Variants in TUNAR observed in about 807,000 individuals in gnomAD.
TUNAR encodes protein TUNAR.
At chr14:95,889,170 C>T (rs1411697087) in intron 2 of TUNAR, among the ~76,000 whole-genome samples, 1 of 152,132 alleles carries the variant, frequency 6.6e-6, no homozygotes, top group Non-Finnish European at 1.5e-5. Flanking sequence ...CCCTGGCCTC[C>T]CTTCCCTTCA....
chr14:95,888,783 A>G (rs942830827), intron 2 of TUNAR, among the ~76,000 whole-genome samples: 1 of 151,818 alleles, frequency 6.6e-6, no homozygotes, highest in African/African-American at 2.4e-5. Flanking sequence ...GCAAGTCTCT[A>G]AGGCCAGCCC....
At chr14:95,888,850 G>T (rs200386288) in intron 2 of TUNAR, among the ~76,000 whole-genome samples, 6,808 of 152,258 alleles carry the variant, frequency 0.045, 180 homozygotes, top group South Asian at 0.086. Flanking sequence ...GAGGAGTGCC[G>T]AAGGATGCCA....
chr14:95,885,782 C>T (rs4900298), intron 2 of TUNAR, among the ~76,000 whole-genome samples: 55,480 of 152,016 alleles, frequency 0.36, 10,209 homozygotes, highest in South Asian at 0.39. Flanking sequence ...TAGCCCTGTT[C>T]ATGACCCCCT....
intron 2 of TUNAR, among the ~76,000 whole-genome samples, chr14:95,905,310 C>A (rs1311621134): frequency 6.6e-6 from 1 of 152,198 alleles, no homozygotes. Context: ...CATCCAGGAT[C>A]CCGTTCCAGA....
chr14:95,906,885 T>C (rs1889434250), intron 2 of TUNAR, among the ~76,000 whole-genome samples: 1 of 152,224 alleles, frequency 6.6e-6, no homozygotes, highest in South Asian at 2.1e-4. Flanking sequence ...TACCCCACTC[T>C]TCTCTGCATC....
Position 95,899,083 on chromosome 14 carries a change from C to T in TUNAR, c.12+21906C>T, listed in dbSNP as rs564447151. Among the ~76,000 whole-genome samples, 6 of 152,332 alleles carry T rather than the reference C, an allele frequency of 3.9e-5. No homozygotes were observed. The South Asian group carries it at 1.2e-3, about 32-fold the overall frequency. ...ATTTCAAGTAGATTTTAGGCCAAGA[C>T]TTGTCCCACTTTGCTGATTGCATGG... is the stretch of plus-strand genomic sequence containing the variant. On this transcript the variant is annotated intron_variant, in intron 2 of 2. Transcript: ENST00000678517.
At chr14:95,886,331 A>G (rs1178535501) in intron 2 of TUNAR, among the ~76,000 whole-genome samples, 2 of 152,256 alleles carry the variant, frequency 1.3e-5, no homozygotes, top group African/African-American at 4.8e-5. Context: ...CAGCAGGGCC[A>G]GTGACTTTTG....
chr14:95,883,359 A>C lies in TUNAR; in HGVS notation c.12+6182A>C, dbSNP rs1889012579. Among the ~76,000 whole-genome samples the C allele has an allele frequency of 3.3e-5, 5 of 152,308 alleles. 1 individual carries two copies. In the South Asian group the frequency reaches 1.0e-3, roughly 32 times the overall value. ...CATGGAGCTGTCTCCTCCACAGAGC[A>C]TGCCTCTCTCTGGTCCCGTCTGGTT... On this transcript the variant is annotated intron_variant, in intron 2 of 2. Coordinates refer to ENST00000678517, the Ensembl canonical transcript of TUNAR.
chr14:95,882,691 C>T (rs1018453842), intron 2 of TUNAR, among the ~76,000 whole-genome samples: 1 of 152,142 alleles, frequency 6.6e-6, no homozygotes, highest in Non-Finnish European at 1.5e-5. Context: ...CTATGATGAG[C>T]TGCTGTATGT....
intron 2 of TUNAR, among the ~76,000 whole-genome samples, chr14:95,879,202 G>A (rs1595113091): frequency 6.6e-6 from 1 of 152,094 alleles, no homozygotes; most frequent in East Asian, 1.9e-4. Context: ...TTTAAGATGT[G>A]GATTAATGAA....
At chr14:95,900,854 C>G (rs1339935089) in intron 2 of TUNAR, among the ~76,000 whole-genome samples, 3 of 152,178 alleles carry the variant, frequency 2.0e-5, no homozygotes, top group African/African-American at 7.2e-5. Flanking sequence ...TTCTCCACAT[C>G]GCCATTTTGT....
rs368352510 is a variant in TUNAR at position 95,894,507 on chromosome 14, A to G, written c.12+17330A>G. 3.3e-5 allele frequency among the ~76,000 whole-genome samples: 5 copies of G among 152,148 alleles called. No homozygotes were observed. The South Asian group carries it at 1.0e-3, about 32-fold the overall frequency. On this transcript the variant is annotated intron_variant, in intron 2 of 2. Transcript: ENST00000678517. ...CACACGTGAGGATCAGGATTTGCGAACTTGCGGAAGAGTGTGGTTTGCGGG... is the reference window on the plus strand; with the variant it reads ...CACACGTGAGGATCAGGATTTGCGAGCTTGCGGAAGAGTGTGGTTTGCGGG...
chr14:95,884,830 T>A (rs1331975316), intron 2 of TUNAR, among the ~76,000 whole-genome samples: 1 of 152,212 alleles, frequency 6.6e-6, no homozygotes, highest in African/African-American at 2.4e-5. Context: ...ACTGCCGCTC[T>A]TGCTTACAGA....
intron 2 of TUNAR, among the ~76,000 whole-genome samples, chr14:95,896,953 T>C (rs551042321): frequency 4.6e-5 from 7 of 152,314 alleles, no homozygotes; most frequent in Non-Finnish European, 1.0e-4. Context: ...TACTTTACAG[T>C]TTATGCCATG....
chr14:95,880,492 T>C (rs1347367890), intron 2 of TUNAR, among the ~76,000 whole-genome samples: 2 of 152,084 alleles, frequency 1.3e-5, no homozygotes, highest in African/African-American at 2.4e-5. Context: ...CTAGGATCCA[T>C]GTGGCAGAAG....
chr14:95,902,967 A>C (rs1395921985), intron 2 of TUNAR, among the ~76,000 whole-genome samples: 1 of 152,226 alleles, frequency 6.6e-6, no homozygotes, highest in Non-Finnish European at 1.5e-5. Context: ...ACTTTGAGCC[A>C]TAAAATGTAG....
chr14:95,901,574 G>A (rs928991164), intron 2 of TUNAR, among the ~76,000 whole-genome samples: 20 of 152,348 alleles, frequency 1.3e-4, no homozygotes, highest in African/African-American at 4.3e-4. Flanking sequence ...CAGCCCTGGC[G>A]CCTAGCAGGG....
intron 2 of TUNAR, among the ~76,000 whole-genome samples, chr14:95,904,788 C>A (rs58622873): frequency 0.023 from 3,492 of 152,314 alleles, 128 homozygotes; most frequent in African/African-American, 0.078. Flanking sequence ...GGTGGAGGGG[C>A]TGCCCGGGCT....
intron 2 of TUNAR, among the ~76,000 whole-genome samples, chr14:95,896,706 C>G (rs1889274689): frequency 6.6e-6 from 1 of 152,192 alleles, no homozygotes; most frequent in Non-Finnish European, 1.5e-5. Context: ...AAGAAGTGCC[C>G]AGGTGCCCCA....
Sources: allele counts gnomAD v4.1 joint callset (sites outside exome capture counted in the v4.1 genomes callset), GRCh38; gene constraint gnomAD v4.1.1; transcripts MANE v1.5; gene names NCBI Gene and HGNC (gene_info 2026-07-23, HGNC 2026-07-21).